TMA16: variants seen among roughly 807,000 people sequenced by gnomAD.
TMA16 encodes translation machinery associated 16 homolog.
In TMA16, 26 loss-of-function variants were observed where a neutral mutation model predicts 27.1. The ratio of observed to expected loss-of-function variants is 0.96; its 90% CI spans 0.70 to 1.33. The LOEUF is 1.33. Among genes scored for constraint, TMA16 ranks in the 40% most tolerant of loss-of-function variants. TMA16 has a pLI of 0.00. For synonymous variants in TMA16, 71 were observed against 81.9 expected (o/e 0.87, Z 0.72); for missense variants, 233 against 241.4 (o/e 0.97, Z 0.23).
At chr4:163,497,374 T>C (rs1737573344) in intron 1 of TMA16, among the ~76,000 whole-genome samples, 1 of 152,252 alleles carries the variant, frequency 6.6e-6, no homozygotes, top group South Asian at 2.1e-4. Context: ...AAATGGTTTC[T>C]CATAAAAATT....
rs780600246 is a variant in TMA16, at chr4:163,515,324, G to A, written c.251G>A (p.Arg84Gln). The change falls in exon 5 of 7, where the codon CGA becomes CAA. Residue 84 changes from arginine (R) to glutamine (Q), a missense_variant. By Grantham distance (43) the Arg-to-Gln change is conservative. Transcript: ENST00000358572. ...TTCGTATTTTTCAGGTACTTAAATC[G>A]ATTCAGCAGTGAGCTGGAGCAGATT... is the stretch of plus-strand genomic sequence containing the variant. ...ACELIERYLN[R>Q]FSSELEQIEL... is the part of the protein sequence containing the mutation. 5.0e-6 allele frequency: 8 copies of A among 1,607,240 alleles called. No individual in the cohort carries two copies. Among genetic ancestry groups the A allele is most frequent in the East Asian group, 2.2e-5 (1 of 44,830 alleles).
rs1737956040 is a variant in TMA16 at position 163,520,513 on chromosome 4, A to C, written c.*999A>C. ...TAACTTTTTTTACTTCTGAAAATTA[A>C]AAATAAAATTTATTTCTGCAATTTC... On this transcript the variant is annotated 3_prime_UTR_variant, in exon 7 of 7. Transcript: ENST00000358572. 5 of 152,034 alleles carry C rather than the reference A, an allele frequency of 3.3e-5. No individual in the cohort carries two copies. Among genetic ancestry groups the C allele is most frequent in the Admixed American group, 3.3e-4 (5 of 15,230 alleles). The allele number at this position is 152,034 out of a possible 1,614,324, so 9.4% of individuals were successfully genotyped here. A position where few individuals can be genotyped will look rare whatever the true frequency, so the allele number is the denominator to read the frequency against.
intron 2 of TMA16, among the ~76,000 whole-genome samples, chr4:163,507,775 AG>A (rs1223109147): frequency 1.3e-5 from 2 of 152,066 alleles, no homozygotes; most frequent in African/African-American, 4.8e-5. Flanking sequence ...ACTGAGAAGG[AG>A]GAGAAAGAAG....
intron 1 of TMA16, among the ~76,000 whole-genome samples, chr4:163,498,480 G>T (rs866933222): frequency 1.3e-5 from 2 of 151,776 alleles, no homozygotes; most frequent in Non-Finnish European, 2.9e-5. Flanking sequence ...GTAGAGACGG[G>T]GTTTCACCGT....
At chr4:163,518,155 C>T (rs1458689260) in intron 6 of TMA16, among the ~76,000 whole-genome samples, 5 of 152,060 alleles carry the variant, frequency 3.3e-5, no homozygotes, top group Non-Finnish European at 7.4e-5. Flanking sequence ...ACTTGTATTA[C>T]CCAGTGTCTA....
intron 5 of TMA16, 163 bp from the exon 6 acceptor site, chr4:163,517,271 T>C (rs1469151218): frequency 1.6e-6 from 1 of 640,740 alleles, no homozygotes; most frequent in Non-Finnish European, 2.7e-6. Flanking sequence ...TCTTAAGTCA[T>C]CTTAAACTAA....
In TMA16 at chr4:163,519,506, G is replaced by GT. The variant is rs1225221448; in HGVS notation, c.605dup (p.Ala203GlyfsTer7). Reference sequence around the variant, plus strand: ...TGATTCAGATGAGGAAATGACTGCAGTGGCCTAATTGTCTTCACTTGAATT... The same window carrying GT: ...TGATTCAGATGAGGAAATGACTGCAGTTGGCCTAATTGTCTTCACTTGAATT... On this transcript the variant is annotated frameshift_variant, in exon 7 of 7. Transcript: ENST00000358572. LOFTEE classifies it high-confidence loss of function. 6.3e-7 allele frequency: 1 copy of GT among 1,588,748 alleles called. No individual in the cohort carries two copies. The highest frequency in any genetic ancestry group is 1.9e-5 in the Admixed American group (1 of 53,272).
At chr4:163,518,019 T>C (rs1737911028) in intron 6 of TMA16, among the ~76,000 whole-genome samples, 1 of 151,966 alleles carries the variant, frequency 6.6e-6, no homozygotes, top group Non-Finnish European at 1.5e-5. Context: ...CAGAGGTACA[T>C]GAGTAGGTTT....
intron 1 of TMA16, among the ~76,000 whole-genome samples, chr4:163,505,103 A>G (rs527239514): frequency 1.3e-5 from 2 of 152,188 alleles, no homozygotes; most frequent in South Asian, 2.1e-4. Flanking sequence ...CCCACATTCA[A>G]AAGGAGGGGA....
chr4:163,495,067 C>T (rs1424932269), intron 1 of TMA16, among the ~76,000 whole-genome samples: 1 of 144,846 alleles, frequency 6.9e-6, no homozygotes, highest in Non-Finnish European at 1.5e-5. Flanking sequence ...CCTAACTTCT[C>T]GCTAGTCACT....
At chr4:163,507,946 A>G (rs906538035) in intron 2 of TMA16, among the ~76,000 whole-genome samples, 1 of 151,944 alleles carries the variant, frequency 6.6e-6, no homozygotes, top group African/African-American at 2.4e-5. Context: ...TGCTTAAGAT[A>G]AGCTTTATAT....
chr4:163,508,081 G>A (rs889365589), intron 2 of TMA16, among the ~76,000 whole-genome samples: 1 of 152,020 alleles, frequency 6.6e-6, no homozygotes, highest in Non-Finnish European at 1.5e-5. Flanking sequence ...GATTTACTGT[G>A]ATGATAGCAG....
intron 5 of TMA16, among the ~76,000 whole-genome samples, chr4:163,516,602 T>C (rs1737880818): frequency 1.3e-5 from 2 of 152,222 alleles, no homozygotes; most frequent in Non-Finnish European, 2.9e-5. Flanking sequence ...GTTTTTGTTG[T>C]TCATGCCTCT....
In TMA16 at chr4:163,519,366, A is replaced by G. The variant is rs781535155; in HGVS notation, c.464A>G (p.Asn155Ser). 3 of 1,599,990 alleles carry G rather than the reference A, an allele frequency of 1.9e-6. No individual in the cohort carries two copies. Among genetic ancestry groups the G allele is most frequent in the Non-Finnish European group, 1.7e-6 (2 of 1,175,192 alleles). Reference protein sequence around the residue: ...EWDFDLKKLPNIKMRKICAND... With the variant: ...EWDFDLKKLPSIKMRKICAND... ...GACTTTGATCTGAAGAAATTACCAA[A>G]CATTAAAATGAGAAAAATTTGCGCT... Residue 155 changes from asparagine to serine, a missense_variant, in exon 7 of 7, where the codon AAC becomes AGC. Asn to Ser is a conservative substitution (Grantham distance 46). Coordinates refer to ENST00000358572, the MANE Select transcript of TMA16 (RefSeq NM_018352.3).
chr4:163,514,993 G>A (rs796569340), intron 4 of TMA16, among the ~76,000 whole-genome samples: 3 of 152,042 alleles, frequency 2.0e-5, no homozygotes, highest in East Asian at 3.9e-4. Flanking sequence ...GGGGTTTGGT[G>A]GGGGGTAGGT....
rs1737726261 is a variant in TMA16 at position 163,507,038 on chromosome 4, A to T, written c.9A>T (p.Lys3Asn). ...TGTGTTTTCATACATTTTAGCCCAA[A>T]GCACCAAAGGGAAAAAGTGCAGGAC... MP[K>N]APKGKSAGRE... Residue 3 changes from lysine (K) to asparagine (N), a missense_variant, in exon 2 of 7, where the codon AAA (lysine) becomes AAT (asparagine). Transcript: ENST00000358572. The T allele has an allele frequency of 1.3e-6, 2 of 1,585,430 alleles. No individual in the cohort carries two copies. Among genetic ancestry groups the T allele is most frequent in the Non-Finnish European group, 1.7e-6 (2 of 1,165,200 alleles).
At chr4:163,512,639 C>A in intron 2 of TMA16, 183 bp from the exon 3 acceptor site, 1 of 490,456 alleles carries the variant, frequency 2.0e-6, no homozygotes, top group South Asian at 3.6e-5. Flanking sequence ...TGATAAAATT[C>A]TAGTGATTCA....
intron 4 of TMA16, 94 bp downstream of exon 4, chr4:163,514,252 A>G (rs919700332): frequency 2.1e-6 from 2 of 962,006 alleles, no homozygotes; most frequent in African/African-American, 3.4e-5. Context: ...GATTTGCAGA[A>G]GAGCAAATGG....
intron 3 of TMA16, 74 bp downstream of exon 3, chr4:163,512,933 A>G (rs1737819579): frequency 8.8e-7 from 1 of 1,142,776 alleles, no homozygotes; most frequent in Non-Finnish European, 1.3e-6. Flanking sequence ...TTTTCTTTTT[A>G]CTCTTTTAGT....
Sources: gnomAD v4.1 joint callset for allele counts (sites outside exome capture counted in the v4.1 genomes callset) on GRCh38, gnomAD v4.1.1 for gene constraint, MANE v1.5 for transcripts, NCBI Gene and HGNC (gene_info 2026-07-23, HGNC 2026-07-21) for gene names.